HTRA1: variants seen among roughly 807,000 people sequenced by gnomAD.
The protein encoded by HTRA1 is serine protease HTRA1.
Under a neutral mutation model 49.7 loss-of-function variants are expected in HTRA1, and 26 were observed. That is an observed-to-expected ratio of 0.52 (90% confidence interval 0.38 to 0.73). The LOEUF (loss-of-function observed/expected upper bound fraction) is 0.73, where lower values mean the gene tolerates loss of function less well. Among genes scored for constraint, HTRA1 ranks in the 30% least tolerant of loss-of-function variants. The pLI is 0.00. For missense variants in HTRA1, 561 were observed against 667.2 expected (o/e 0.84, Z 1.75); for synonymous variants, 291 against 286.9 (o/e 1.01, Z -0.14).
At chr10:122,465,388 A>G (rs72834444) in intron 1 of HTRA1, among the ~76,000 whole-genome samples, 14,037 of 152,286 alleles carry the variant, frequency 0.092, 840 homozygotes, top group Middle Eastern at 0.2. Flanking sequence ...ATACTAATTC[A>G]TTTGATCCTC....
chr10:122,513,215 A>G (rs1032494714), intron 8 of HTRA1, among the ~76,000 whole-genome samples: 3 of 152,136 alleles, frequency 2.0e-5, no homozygotes, highest in Admixed American at 1.3e-4. Flanking sequence ...GCTATATAAG[A>G]GCTACAGTTA....
intron 2 of HTRA1, 83 bp downstream of exon 2, chr10:122,489,084 T>C (rs2097494501): frequency 1.0e-6 from 1 of 977,572 alleles, no homozygotes; most frequent in African/African-American, 1.6e-5. Flanking sequence ...TTGAGATACA[T>C]TAAAGTGTCA....
chr10:122,473,436 T>C (rs933268209), intron 1 of HTRA1, among the ~76,000 whole-genome samples: 1 of 152,178 alleles, frequency 6.6e-6, no homozygotes, highest in Non-Finnish European at 1.5e-5. Context: ...TTGGTCTGTT[T>C]TGAAAAGTGA....
intron 8 of HTRA1, among the ~76,000 whole-genome samples, chr10:122,513,413 T>C (rs1334049619): frequency 6.6e-6 from 1 of 152,078 alleles, no homozygotes; most frequent in African/African-American, 2.4e-5. Flanking sequence ...TTGGGGTCAA[T>C]CTTGACCTTT....
intron 3 of HTRA1, among the ~76,000 whole-genome samples, chr10:122,495,168 G>A (rs1252229569): frequency 6.6e-6 from 1 of 152,212 alleles, no homozygotes; most frequent in Non-Finnish European, 1.5e-5. Context: ...TCCTCATGAA[G>A]GAAGCGCCTG....
chr10:122,492,355 A>G (rs1190716154), intron 3 of HTRA1, among the ~76,000 whole-genome samples: 1 of 152,100 alleles, frequency 6.6e-6, no homozygotes, highest in Non-Finnish European at 1.5e-5. Flanking sequence ...TTATGTTTTG[A>G]GACAGAGTTT....
chr10:122,496,549 TG>T (rs2097498830), intron 3 of HTRA1, among the ~76,000 whole-genome samples: 1 of 151,992 alleles, frequency 6.6e-6, no homozygotes, highest in Non-Finnish European at 1.5e-5. Context: ...TAAGATCTAG[TG>T]TGGGAAATGG....
At position 122,461,675 on chromosome 10, in the gene HTRA1, T is replaced by C; in HGVS notation, c.23T>C (p.Leu8Pro). 4 of 1,312,570 alleles carry C rather than the reference T, an allele frequency of 3.0e-6. No homozygotes were observed. Among genetic ancestry groups the C allele is most frequent in the South Asian group, 1.4e-5 (1 of 73,788 alleles). The allele number at this position is 1,312,570 out of a possible 1,614,324, so 81.3% of individuals were successfully genotyped here. A position where few individuals can be genotyped will look rare whatever the true frequency, so the allele number is the denominator to read the frequency against. MQIPRAA[L>P]LPLLLLLLAA... ...GCCATGCAGATCCCGCGCGCCGCTCTTCTCCCGCTGCTGCTGCTGCTGCTG... is the reference window on the plus strand; with the variant it reads ...GCCATGCAGATCCCGCGCGCCGCTCCTCTCCCGCTGCTGCTGCTGCTGCTG... Residue 8 changes from leucine to proline, a missense_variant, in exon 1 of 9, where the codon CTT becomes CCT. Around this residue, in one of 3 missense-constraint regions of HTRA1, gnomAD observed 111 missense variants for 83.7 expected, o/e 1.33. Coordinates refer to ENST00000368984, the MANE Select transcript of HTRA1 (RefSeq NM_002775.5).
In HTRA1 at chr10:122,490,293, T is replaced by C. The variant is rs1011025205; in HGVS notation, c.777+667T>C. Among the ~76,000 whole-genome samples the C allele has an allele frequency of 3.3e-5, 5 of 152,214 alleles. No individual in the cohort carries two copies. The highest frequency in any genetic ancestry group is 7.3e-5 in the Non-Finnish European group (5 of 68,038). On this transcript the variant is annotated intron_variant, in intron 3 of 8. Transcript: ENST00000368984. The surrounding 1 kb of genome is among the most constrained non-coding windows in gnomAD (Gnocchi z 4.2). ...AATTATAATCATTTGAGTATACAGC[T>C]TTTTGTGGGGGCAGGCAGAACTGAG... is the stretch of plus-strand genomic sequence containing the variant.
intron 1 of HTRA1, among the ~76,000 whole-genome samples, chr10:122,465,971 TGCAGCA>T (rs1591023704): frequency 6.6e-6 from 1 of 152,020 alleles, no homozygotes; most frequent in South Asian, 2.1e-4. Flanking sequence ...CCCTACTCCA[TGCAGCA>T]GCCCAGACAA....
rs572508008 is a variant in HTRA1 at position 122,468,343 on chromosome 10, C to T, written c.472+6219C>T. On this transcript the variant is annotated intron_variant, in intron 1 of 8. Transcript: ENST00000368984. ...AATGGAAGGACCTCCTTATATGAAA[C>T]GCAAAGCACTGTGCCTGATGCATTG... 1.2e-4 allele frequency among the ~76,000 whole-genome samples: 19 copies of T among 152,206 alleles called. No individual in the cohort carries two copies. The South Asian group carries it at 2.3e-3, about 18-fold the overall frequency.
At chr10:122,498,064 A>G (rs2097499472) in intron 3 of HTRA1, among the ~76,000 whole-genome samples, 1 of 152,226 alleles carries the variant, frequency 6.6e-6, no homozygotes, top group Non-Finnish European at 1.5e-5. Context: ...TATAGTGTAA[A>G]GGAGACTAAA....
At chr10:122,472,249 A>G (rs2097486427) in intron 1 of HTRA1, among the ~76,000 whole-genome samples, 1 of 151,830 alleles carries the variant, frequency 6.6e-6, no homozygotes, top group South Asian at 2.1e-4. Context: ...TATACATTTG[A>G]TGACATATTG....
intron 3 of HTRA1, among the ~76,000 whole-genome samples, chr10:122,505,634 C>A (rs1025381054): frequency 1.3e-5 from 2 of 152,274 alleles, no homozygotes; most frequent in South Asian, 2.1e-4. Context: ...TTCCACCTGC[C>A]CCACCCCACT....
intron 3 of HTRA1, among the ~76,000 whole-genome samples, chr10:122,496,771 A>G (rs996400270): frequency 3.3e-5 from 5 of 152,104 alleles, no homozygotes; most frequent in African/African-American, 1.2e-4. Context: ...TTAATTTCCC[A>G]CTTCTGCTCA....
At chr10:122,480,266 G>T (rs1218762817) in intron 1 of HTRA1, among the ~76,000 whole-genome samples, 2 of 151,936 alleles carry the variant, frequency 1.3e-5, no homozygotes, top group Admixed American at 6.5e-5. Flanking sequence ...AACGTGTGTG[G>T]GTTGGAGTAC....
Position 122,461,910 on chromosome 10 carries a change from G to C in HTRA1, c.258G>C (p.Gly86=). ...TGCAGGAGGGCCCGTGCGGCGAGGG[G>C]CTGCAGTGCGTGGTGCCCTTCGGGG... ...CGLQEGPCGE[G]LQCVVPFGVP... The change falls in exon 1 of 9, where the codon GGG becomes GGC. Residue 86 remains glycine, a synonymous_variant. Transcript: ENST00000368984. 1.4e-6 allele frequency: 2 copies of C among 1,450,786 alleles called. No individual in the cohort carries two copies. Among genetic ancestry groups the C allele is most frequent in the Non-Finnish European group, 1.8e-6 (2 of 1,107,024 alleles). The allele number at this position is 1,450,786 out of a possible 1,614,324, so 89.9% of individuals were successfully genotyped here. A position where few individuals can be genotyped will look rare whatever the true frequency, so the allele number is the denominator to read the frequency against.
At position 122,507,356 on chromosome 10, in the gene HTRA1, C is replaced by A; in HGVS notation, c.973-14C>A. The A allele has an allele frequency of 6.2e-7, 1 of 1,608,554 alleles. No homozygotes were observed. The highest frequency in any genetic ancestry group is 8.5e-7 in the Non-Finnish European group (1 of 1,174,926). ...GACACGATTTGTAACCTTTTCATTT[C>A]TGTTTAATTGCAGTATGGAAACTCG... On this transcript the variant is annotated splice_polypyrimidine_tract_variant and intron_variant, in intron 4 of 8. Coordinates refer to ENST00000368984, the MANE Select transcript of HTRA1 (RefSeq NM_002775.5).
intron 1 of HTRA1, among the ~76,000 whole-genome samples, chr10:122,469,299 C>A (rs1358707412): frequency 6.6e-6 from 1 of 152,140 alleles, no homozygotes; most frequent in Non-Finnish European, 1.5e-5. Context: ...TTTACCCGAT[C>A]TTCCAACACA....
Sources: allele counts gnomAD v4.1 joint callset (sites outside exome capture counted in the v4.1 genomes callset), GRCh38; gene constraint gnomAD v4.1.1; regional missense constraint gnomAD v4.1.1; non-coding constraint Gnocchi (gnomAD v3.1); transcripts MANE v1.5; gene names NCBI Gene and HGNC (gene_info 2026-07-23, HGNC 2026-07-21).